The following EYS variants were observed in gnomAD, a reference collection of about 807,000 sequenced individuals.
EYS encodes protein eyes shut homolog.
In EYS, 250 loss-of-function variants were observed where a neutral mutation model predicts 282.1. That is an observed-to-expected ratio of 0.89 (90% CI 0.80 to 0.98). EYS has a LOEUF of 0.98. Among genes scored for constraint, EYS ranks in the 50% least tolerant of loss-of-function variants. EYS has a pLI of 0.00. For synonymous variants in EYS, 1,355 were observed against 1,282.9 expected (o/e 1.06, Z -1.20); for missense variants, 4,016 against 3,709.0 (o/e 1.08, Z -2.15).
At chr6:64,635,944 A>G (rs148281662) in intron 22 of EYS, among the ~76,000 whole-genome samples, 3,137 of 151,374 alleles carry the variant, frequency 0.021, 98 homozygotes, top group African/African-American at 0.072. Context: ...ATGTGAATCC[A>G]TCTGGTCCTG....
chr6:65,318,580 A>G (rs534452679), intron 11 of EYS, among the ~76,000 whole-genome samples: 39 of 147,310 alleles, frequency 2.6e-4, no homozygotes, highest in African/African-American at 9.1e-4. Flanking sequence ...TGTATTACAT[A>G]TATTTTGTAT....
rs142615808 is a variant in EYS at position 63,943,894 on chromosome 6, A to G, written c.7055+40489T>C. ...ATATACCTGTTAATAATAATATTCA[A>G]TAAGAGGTTTTCCTAACATTTGATA... On this transcript the variant is annotated intron_variant, in intron 35 of 42. Transcript: ENST00000503581. 4.7e-3 allele frequency among the ~76,000 whole-genome samples: 711 copies of G among 152,324 alleles called. 6 individuals carry two copies. The highest frequency in any genetic ancestry group is 0.016 in the African/African-American group (655 of 41,572).
At chr6:64,371,278 G>A (rs1448565401) in intron 29 of EYS, among the ~76,000 whole-genome samples, 2 of 147,504 alleles carry the variant, frequency 1.4e-5, no homozygotes, top group African/African-American at 4.9e-5. Context: ...TTACCCAGAA[G>A]TCATTCAGGA....
At chr6:64,168,297 A>G (rs1764361687) in intron 31 of EYS, among the ~76,000 whole-genome samples, 3 of 151,968 alleles carry the variant, frequency 2.0e-5, no homozygotes, top group African/African-American at 7.3e-5. Flanking sequence ...GCCAGATAAT[A>G]ACAAATGGGT....
At chr6:65,266,544 A>G (rs1053434611) in intron 12 of EYS, among the ~76,000 whole-genome samples, 3 of 151,918 alleles carry the variant, frequency 2.0e-5, no homozygotes, top group African/African-American at 7.2e-5. Flanking sequence ...TAAATCCACA[A>G]AAATGCTTTA....
chr6:63,947,088 G>T (rs754803994), intron 35 of EYS, among the ~76,000 whole-genome samples: 1 of 151,936 alleles, frequency 6.6e-6, no homozygotes, highest in Non-Finnish European at 1.5e-5. Context: ...TTCTTATTTT[G>T]TAAAGTGAGG....
At chr6:63,882,518 T>G (rs1219572657) in intron 35 of EYS, among the ~76,000 whole-genome samples, 1 of 152,212 alleles carries the variant, frequency 6.6e-6, no homozygotes, top group African/African-American at 2.4e-5. Flanking sequence ...TTTACTGAAC[T>G]TTTTCCCTAT....
Position 64,449,078 on chromosome 6 carries a change from A to C in EYS, c.5645-9726T>G, listed in dbSNP as rs1775222215. On this transcript the variant is annotated intron_variant, in intron 26 of 42. Transcript: ENST00000503581. ...ACTCTGAGCTAAAGAAGGAAGTTCA[A>C]ACCAATGGCAAAGAAGATAAAAACT... Among the ~76,000 whole-genome samples, 3 of 152,206 alleles carry C rather than the reference A, an allele frequency of 2.0e-5. No homozygotes were observed. The South Asian group carries it at 6.2e-4, about 31-fold the overall frequency.
chr6:65,498,528 G>C, intron 2 of EYS, among the ~76,000 whole-genome samples: 1 of 151,850 alleles, frequency 6.6e-6, no homozygotes, highest in East Asian at 1.9e-4. Flanking sequence ...CATTATTGTG[G>C]GGCTAATCCC....
chr6:63,783,530 A>G (rs1227716925), intron 39 of EYS, among the ~76,000 whole-genome samples: 1 of 152,198 alleles, frequency 6.6e-6, no homozygotes, highest in Non-Finnish European at 1.5e-5. Context: ...TAAAAATCCT[A>G]TTCTCCAGAA....
intron 5 of EYS, among the ~76,000 whole-genome samples, chr6:65,424,945 G>A (rs142196098): frequency 6.3e-4 from 96 of 152,108 alleles, no homozygotes; most frequent in African/African-American, 2.3e-3. Flanking sequence ...AATGAAGCTA[G>A]AGATTGTTTT....
chr6:64,160,500 C>G (rs1437664076), intron 31 of EYS, among the ~76,000 whole-genome samples: 1 of 152,158 alleles, frequency 6.6e-6, no homozygotes, highest in Non-Finnish European at 1.5e-5. Context: ...GTGCATAAAT[C>G]TAGCCTCTTC....
At position 65,296,168 on chromosome 6, in the gene EYS, G is replaced by T. The variant is rs1275586145; in HGVS notation, c.1767-49C>A. 2.6e-5 allele frequency: 38 copies of T among 1,450,992 alleles called. No homozygotes were observed. In the East Asian group the frequency reaches 9.2e-4, roughly 35 times the overall value. 89.9% of individuals were successfully genotyped at this position (1,450,992 alleles called of 1,614,324 possible). On this transcript the variant is annotated intron_variant, in intron 11 of 42. Coordinates refer to ENST00000503581, the MANE Select transcript of EYS (RefSeq NM_001142800.2). ...CCCAATTAGTCATATACTTTATTTT[G>T]ATATATTTAAGTATTTAAATCACAC...
chr6:65,112,300 C>G (rs1775235892), intron 12 of EYS, among the ~76,000 whole-genome samples: 1 of 151,972 alleles, frequency 6.6e-6, no homozygotes, highest in Non-Finnish European at 1.5e-5. Flanking sequence ...AAAAATATCA[C>G]CTGATTTGCT....
At chr6:65,291,056 T>G (rs1162651603) in intron 12 of EYS, among the ~76,000 whole-genome samples, 1 of 151,416 alleles carries the variant, frequency 6.6e-6, no homozygotes, top group Non-Finnish European at 1.5e-5. Context: ...AAATAAAAAC[T>G]ACCTTTATTT....
At chr6:64,826,758 A>G (rs1480663787) in intron 19 of EYS, among the ~76,000 whole-genome samples, 4 of 144,098 alleles carry the variant, frequency 2.8e-5, no homozygotes, top group East Asian at 2.0e-4. Flanking sequence ...CTTTCTCTTC[A>G]TTCCCTTTTT....
intron 22 of EYS, among the ~76,000 whole-genome samples, chr6:64,692,918 G>A (rs1173882906): frequency 2.1e-5 from 3 of 141,210 alleles, no homozygotes; most frequent in African/African-American, 7.7e-5. Flanking sequence ...TTGAAGTTCA[G>A]GAGTATGATG....
chr6:65,627,969 C>A (rs112357537), intron 2 of EYS, among the ~76,000 whole-genome samples: 1 of 152,096 alleles, frequency 6.6e-6, no homozygotes, highest in African/African-American at 2.4e-5. Flanking sequence ...CCTGCAGCCC[C>A]GGTGCGGGAT....
intron 36 of EYS, among the ~76,000 whole-genome samples, chr6:63,854,291 C>T (rs977370145): frequency 2.0e-5 from 3 of 152,270 alleles, no homozygotes; most frequent in South Asian, 4.1e-4. Context: ...AGAATGAGTT[C>T]ATGTCCTTTG....
Sources: gnomAD v4.1 joint callset for allele counts (sites outside exome capture counted in the v4.1 genomes callset) on GRCh38, gnomAD v4.1.1 for gene constraint, MANE v1.5 for transcripts, NCBI Gene and HGNC (gene_info 2026-07-23, HGNC 2026-07-21) for gene names.